The following UROC1 variants were observed in gnomAD, a reference collection of about 807,000 sequenced individuals.
The protein encoded by UROC1 is urocanate hydratase 1.
UROC1 carries 79 observed loss-of-function variants against 89.5 expected under a neutral mutation model. That is an observed-to-expected ratio of 0.88 (90% CI 0.74 to 1.06). The LOEUF (loss-of-function observed/expected upper bound fraction) is 1.06, where lower values mean the gene tolerates loss of function less well. UROC1 is among the 50% of genes least tolerant of loss of function. The pLI is 0.00. For missense variants in UROC1, 885 were observed against 907.8 expected (o/e 0.97, Z 0.32); for synonymous variants, 361 against 354.8 (o/e 1.02, Z -0.20).
In UROC1 at chr3:126,500,031, TCCTCCTC is replaced by T. The variant is rs1244031983; in HGVS notation, c.1243+19_1243+25del. 5.0e-6 allele frequency: 8 copies of T among 1,601,340 alleles called. No homozygotes were observed. Among genetic ancestry groups the T allele is most frequent in the African/African-American group, 1.3e-5 (1 of 74,828 alleles). On this transcript the variant is annotated intron_variant, in intron 12 of 19. Coordinates refer to ENST00000290868, the MANE Select transcript of UROC1 (RefSeq NM_144639.3). ...TGGGCCCAGGGTGGTGGCCCCTCCC[TCCTCCTC>T]CCTCCTCCTTCCTCCTACCTGCTCT...
At chr3:126,488,032 A>G (rs1443760934) in intron 18 of UROC1, among the ~76,000 whole-genome samples, 166 bp downstream of exon 18, 1 of 152,142 alleles carries the variant, frequency 6.6e-6, no homozygotes, top group Admixed American at 6.5e-5. Context: ...AGTTCTGTCA[A>G]CTGTCTCCGC....
In UROC1 at chr3:126,493,053, T is replaced by G. The variant is rs528318051; in HGVS notation, c.1510-537A>C. ...GGAGCCACCTGTCTACAGGTTGACCTTGGGCCCTCTGTCTGTCTGCTGCAC... is the reference window on the plus strand; with the variant it reads ...GGAGCCACCTGTCTACAGGTTGACCGTGGGCCCTCTGTCTGTCTGCTGCAC... On this transcript the variant is annotated intron_variant, in intron 15 of 19. Transcript: ENST00000290868. Among the ~76,000 whole-genome samples the G allele has an allele frequency of 9.9e-5, 15 of 152,260 alleles. No individual in the cohort carries two copies. In the South Asian group the frequency reaches 3.1e-3, roughly 32 times the overall value.
chr3:126,503,869 C>T (rs1404608550), intron 9 of UROC1, 126 bp downstream of exon 9: 2 of 984,604 alleles, frequency 2.0e-6, no homozygotes, highest in South Asian at 1.3e-5. Flanking sequence ...ATGTGTGGTG[C>T]CCACATGTAG....
At chr3:126,514,346 G>T (rs1279177723) in intron 1 of UROC1, among the ~76,000 whole-genome samples, 3 of 152,202 alleles carry the variant, frequency 2.0e-5, no homozygotes, top group East Asian at 3.9e-4. Flanking sequence ...TGGGGAAAAG[G>T]TCACCAGGAG....
At chr3:126,515,035 C>T (rs945214157) in intron 1 of UROC1, among the ~76,000 whole-genome samples, 1 of 152,054 alleles carries the variant, frequency 6.6e-6, no homozygotes, top group African/African-American at 2.4e-5. Flanking sequence ...GAACTGCACC[C>T]GCTCCTACTC....
rs550273404 is a variant in UROC1 at position 126,511,006 on chromosome 3, T to C, written c.127-212A>G. ...TGATCGCCCCCTCCTGCCCCTTTCA[T>C]GAAGGCAGACTGATCCCTCTCTCTT... On this transcript the variant is annotated intron_variant, in intron 1 of 19. Coordinates refer to ENST00000290868, the MANE Select transcript of UROC1 (RefSeq NM_144639.3). Among the ~76,000 whole-genome samples the C allele has an allele frequency of 5.9e-5, 9 of 152,212 alleles. No homozygotes were observed. The East Asian group carries it at 1.6e-3, about 26-fold the overall frequency.
At chr3:126,508,568 C>T in intron 3 of UROC1, 93 bp from the exon 4 acceptor site, 2 of 1,009,408 alleles carry the variant, frequency 2.0e-6, no homozygotes. Flanking sequence ...CCCCTGGGGG[C>T]CCAATGGGAC....
chr3:126,507,646 T>C (rs567859654), intron 6 of UROC1, 96 bp downstream of exon 6: 617 of 1,271,886 alleles, frequency 4.9e-4, no homozygotes, highest in Non-Finnish European at 7.0e-4. Flanking sequence ...TGTGACTATG[T>C]CTTTCAAAAC....
chr3:126,504,145 G>A, intron 8 of UROC1, 62 bp from the exon 9 acceptor site: 3 of 1,549,344 alleles, frequency 1.9e-6, no homozygotes, highest in South Asian at 2.2e-5. Flanking sequence ...TCTTCCCTAA[G>A]TGTATCATCC....
Position 126,492,424 on chromosome 3 carries a change from C to A in UROC1, c.1602G>T (p.Arg534Ser). 1.2e-6 allele frequency: 2 copies of A among 1,613,508 alleles called. No individual in the cohort carries two copies. Among genetic ancestry groups the A allele is most frequent in the Non-Finnish European group, 1.7e-6 (2 of 1,179,860 alleles). Residue 534 changes from arginine to serine, a missense_variant, in exon 16 of 20, where the codon AGG (arginine) becomes AGT (serine). Transcript: ENST00000290868. ...AGAGCACAGGACACCTCACCTTGAT[C>A]CTCCTGCAGGCGATGGCCTGGTTAA... Reference protein sequence around the residue: ...VAINQAIACRRIKAPVVLSRD... With the variant: ...VAINQAIACRSIKAPVVLSRD...
chr3:126,492,745 C>T (rs1253586233), intron 15 of UROC1, among the ~76,000 whole-genome samples: 1 of 152,154 alleles, frequency 6.6e-6, no homozygotes, highest in East Asian at 1.9e-4. Flanking sequence ...CCCCACATGT[C>T]CACTGTAGTC....
chr3:126,505,598 G>A, intron 8 of UROC1, 103 bp downstream of exon 8: 6 of 1,532,962 alleles, frequency 3.9e-6, no homozygotes, highest in South Asian at 1.2e-5. Flanking sequence ...AAGGAAGGAT[G>A]AGAAGGGGGG....
chr3:126,488,254 T>C lies in UROC1; in HGVS notation c.1734A>G (p.Gly578=). The part of the protein sequence containing the change: ...CADMAVQNFV[G]DACRGATWVA... The stretch of plus-strand genomic sequence containing the variant: ...CCCAGGTGGCTCCGCGACAGGCATC[T>C]CCCACGAAGTTCTGCACAGCCATGT... Residue 578 remains glycine (G), a synonymous_variant, in exon 18 of 20, where the codon GGA becomes GGG. Coordinates refer to ENST00000290868, the MANE Select transcript of UROC1 (RefSeq NM_144639.3). The C allele has an allele frequency of 1.2e-6, 2 of 1,614,214 alleles. No individual in the cohort carries two copies. The highest frequency in any genetic ancestry group is 1.7e-6 in the Non-Finnish European group (2 of 1,180,048).
At position 126,505,998 on chromosome 3, in the gene UROC1, T is replaced by C; in HGVS notation, c.616A>G (p.Thr206Ala). The change falls in exon 7 of 20, where the codon ACA becomes GCA. Residue 206 changes from threonine to alanine, a missense_variant. Physicochemically the swap from Thr to Ala is moderately conservative, Grantham distance 58 (BLOSUM62 0). Transcript: ENST00000290868. Reference sequence around the variant, plus strand: ...CCGATGTAGCAGTAGCTACCTGCTGTCATCTGGCCGTACCTGACCACAGGG... The same window carrying C: ...CCGATGTAGCAGTAGCTACCTGCTGCCATCTGGCCGTACCTGACCACAGGG... Reference protein sequence around the residue: ...ALGVTMYGQMTAGSYCYIGPQ... With the variant: ...ALGVTMYGQMAAGSYCYIGPQ... The C allele has an allele frequency of 6.2e-7, 1 of 1,613,404 alleles. No homozygotes were observed. Among genetic ancestry groups the C allele is most frequent in the Non-Finnish European group, 8.5e-7 (1 of 1,179,994 alleles).
chr3:126,507,052 C>T (rs755784320), intron 6 of UROC1, among the ~76,000 whole-genome samples: 4 of 152,150 alleles, frequency 2.6e-5, no homozygotes, highest in Non-Finnish European at 5.9e-5. Context: ...GCACTCCAGC[C>T]TGGGCAACAA....
At chr3:126,500,933 GGCCAGCCAGGTGGGGAC>G in intron 10 of UROC1, 59 bp from the exon 11 acceptor site, 4 of 1,600,566 alleles carry the variant, frequency 2.5e-6, no homozygotes, top group Non-Finnish European at 3.4e-6. Flanking sequence ...CAGAGTCTGG[GGCCAGCCAGGTGGGGAC>G]CCTAGCACAT....
At chr3:126,488,384 G>A in intron 17 of UROC1, 105 bp from the exon 18 acceptor site, 1 of 1,290,112 alleles carries the variant, frequency 7.8e-7, no homozygotes, top group Non-Finnish European at 1.1e-6. Flanking sequence ...AGGCCAGAAG[G>A]ATGGGGCGGC....
Position 126,501,280 on chromosome 3 carries a change from C to T in UROC1, c.903G>A (p.Arg301=). 2 of 1,613,996 alleles carry T rather than the reference C, an allele frequency of 1.2e-6. No homozygotes were observed. The highest frequency in any genetic ancestry group is 8.5e-7 in the Non-Finnish European group (1 of 1,179,982). ...DSLDRCIQRL[R]EARKKKEVLS... is the part of the protein sequence containing the mutation. ...GCACCTCCTTTTTTTTCCTTGCTTC[C>T]CTGGAAGGACACAAAAGCAGAACAG... is the stretch of plus-strand genomic sequence containing the variant. The change falls in exon 10 of 20, where the codon AGG becomes AGA. Residue 301 remains arginine (R), a splice_region_variant and synonymous_variant. Coordinates refer to ENST00000290868, the MANE Select transcript of UROC1 (RefSeq NM_144639.3).
intron 8 of UROC1, among the ~76,000 whole-genome samples, chr3:126,504,603 A>G (rs977700188): frequency 1.3e-5 from 2 of 152,166 alleles, no homozygotes; most frequent in African/African-American, 4.8e-5. Flanking sequence ...CAATGCCAAC[A>G]CTGTTGGTTA....
Sources: gnomAD v4.1 joint callset for allele counts (sites outside exome capture counted in the v4.1 genomes callset) on GRCh38, gnomAD v4.1.1 for gene constraint, MANE v1.5 for transcripts, NCBI Gene and HGNC (gene_info 2026-07-23, HGNC 2026-07-21) for gene names.